The following NKAIN2 variants were observed in gnomAD, a reference collection of about 807,000 sequenced individuals.
NKAIN2 encodes sodium/potassium-transporting ATPase subunit beta-1-interacting protein 2.
In NKAIN2, 14 loss-of-function variants were observed where a neutral mutation model predicts 32.6. That is an observed-to-expected ratio of 0.43 (90% CI 0.28 to 0.67). NKAIN2 has a LOEUF of 0.67. NKAIN2 is among the 30% of genes least tolerant of loss of function. NKAIN2 has a pLI of 0.17. For missense variants in NKAIN2, 198 were observed against 258.3 expected (o/e 0.77, Z 1.60); for synonymous variants, 80 against 87.2 (o/e 0.92, Z 0.46).
chr6:124,410,714 G>T (rs756803522), intron 3 of NKAIN2, among the ~76,000 whole-genome samples: 5 of 152,104 alleles, frequency 3.3e-5, no homozygotes, highest in African/African-American at 7.2e-5. Flanking sequence ...TATTAGGTCC[G>T]CTTGGTGCAG....
intron 1 of NKAIN2, among the ~76,000 whole-genome samples, chr6:124,075,852 T>C (rs1397436984): frequency 6.6e-6 from 1 of 152,168 alleles, no homozygotes; most frequent in Non-Finnish European, 1.5e-5. Context: ...TGTCTCAGCC[T>C]CTCAAACTGC....
At chr6:124,436,742 A>G (rs534615794) in intron 3 of NKAIN2, among the ~76,000 whole-genome samples, 36 of 151,982 alleles carry the variant, frequency 2.4e-4, no homozygotes, top group Non-Finnish European at 4.7e-4. Context: ...CTGGCCTCTC[A>G]CTGGTTCCCA....
At chr6:124,674,389 G>T (rs112106743) in intron 4 of NKAIN2, among the ~76,000 whole-genome samples, 6 of 151,776 alleles carry the variant, frequency 4.0e-5, no homozygotes, top group African/African-American at 1.4e-4. Context: ...TTCTATTTCT[G>T]CAAAAAAGAG....
chr6:124,806,764 C>G (rs1359954369), intron 5 of NKAIN2, among the ~76,000 whole-genome samples: 6 of 148,376 alleles, frequency 4.0e-5, no homozygotes, highest in Non-Finnish European at 1.5e-5. Flanking sequence ...CAGAGACACA[C>G]ATAGGCTCAA....
chr6:124,519,523 C>G (rs1247177112), intron 3 of NKAIN2, among the ~76,000 whole-genome samples: 1 of 152,138 alleles, frequency 6.6e-6, no homozygotes, highest in African/African-American at 2.4e-5. Flanking sequence ...GAAATTATAA[C>G]CTTACTTTCT....
intron 1 of NKAIN2, among the ~76,000 whole-genome samples, chr6:124,086,301 TA>T (rs1461257731): frequency 6.6e-6 from 1 of 152,018 alleles, no homozygotes; most frequent in Non-Finnish European, 1.5e-5. Flanking sequence ...ACAAACTATA[TA>T]AATTTCAGTA....
At chr6:124,130,946 A>C (rs1786442374) in intron 1 of NKAIN2, among the ~76,000 whole-genome samples, 1 of 152,130 alleles carries the variant, frequency 6.6e-6, no homozygotes, top group Non-Finnish European at 1.5e-5. Flanking sequence ...GGACGTGTGC[A>C]CTCCAACACT....
intron 4 of NKAIN2, among the ~76,000 whole-genome samples, chr6:124,691,890 A>G (rs1034261484): frequency 6.6e-6 from 1 of 152,172 alleles, no homozygotes; most frequent in Non-Finnish European, 1.5e-5. Context: ...GTTTTTTTTG[A>G]CGATAGGTCT....
At chr6:124,574,482 G>T (rs1374457282) in intron 3 of NKAIN2, among the ~76,000 whole-genome samples, 1 of 152,090 alleles carries the variant, frequency 6.6e-6, no homozygotes, top group African/African-American at 2.4e-5. Flanking sequence ...GCTGGGCATA[G>T]TAGTGCATGG....
intron 5 of NKAIN2, among the ~76,000 whole-genome samples, chr6:124,808,453 T>A (rs1398343797): frequency 6.6e-6 from 1 of 152,184 alleles, no homozygotes; most frequent in Non-Finnish European, 1.5e-5. Flanking sequence ...CTAAAAACTC[T>A]CAATAAGTTA....
chr6:124,045,186 A>G (rs1782059100), intron 1 of NKAIN2, among the ~76,000 whole-genome samples: 2 of 151,796 alleles, frequency 1.3e-5, no homozygotes, highest in Admixed American at 6.6e-5. Flanking sequence ...ATTCTAATAT[A>G]TATATAGAAT....
intron 1 of NKAIN2, among the ~76,000 whole-genome samples, chr6:124,219,317 G>A (rs904836937): frequency 1.2e-3 from 176 of 144,578 alleles, no homozygotes; most frequent in African/African-American, 4.2e-3. Context: ...TTGCTCTGTC[G>A]CCCAGGCTGG....
chr6:124,141,054 G>T (rs1463701372), intron 1 of NKAIN2, among the ~76,000 whole-genome samples: 2 of 152,178 alleles, frequency 1.3e-5, no homozygotes, highest in Non-Finnish European at 2.9e-5. Context: ...ATATGAGATT[G>T]CTGTCAATGT....
intron 1 of NKAIN2, among the ~76,000 whole-genome samples, chr6:124,160,486 TG>T (rs1327977097): frequency 1.3e-5 from 2 of 152,160 alleles, no homozygotes; most frequent in Non-Finnish European, 2.9e-5. Flanking sequence ...TATATATAGA[TG>T]TATATGAAAA....
intron 1 of NKAIN2, among the ~76,000 whole-genome samples, chr6:124,120,046 C>T (rs1785803523): frequency 6.6e-6 from 1 of 152,014 alleles, no homozygotes; most frequent in Non-Finnish European, 1.5e-5. Flanking sequence ...GTTAAGTAAG[C>T]TTAGGTATGC....
At chr6:124,181,269 G>A (rs186612055) in intron 1 of NKAIN2, among the ~76,000 whole-genome samples, 2 of 147,970 alleles carry the variant, frequency 1.4e-5, no homozygotes, top group Admixed American at 6.8e-5. Context: ...CCCTGGGTGT[G>A]GCCCAGGAAA....
chr6:124,600,091 G>A (rs761478181), intron 3 of NKAIN2, among the ~76,000 whole-genome samples: 85 of 152,174 alleles, frequency 5.6e-4, no homozygotes, highest in Non-Finnish European at 9.3e-4. Context: ...GTGAGTAAAA[G>A]AGAATGTTAA....
chr6:124,388,173 A>G (rs933662888), intron 3 of NKAIN2, among the ~76,000 whole-genome samples: 22 of 148,890 alleles, frequency 1.5e-4, no homozygotes, highest in Admixed American at 1.4e-3. Flanking sequence ...AACCTGAATT[A>G]TTAATTTTAC....
At chr6:123,941,300 T>C (rs575328709) in intron 1 of NKAIN2, among the ~76,000 whole-genome samples, 1 of 151,838 alleles carries the variant, frequency 6.6e-6, no homozygotes, top group Admixed American at 6.6e-5. Flanking sequence ...GTGGAAGGGG[T>C]ACACTCTAAA....
Sources: gnomAD v4.1 joint callset for allele counts (sites outside exome capture counted in the v4.1 genomes callset) on GRCh38, gnomAD v4.1.1 for gene constraint, MANE v1.5 for transcripts, NCBI Gene and HGNC (gene_info 2026-07-23, HGNC 2026-07-21) for gene names.